The following KLRC2 variants were observed in gnomAD, a reference collection of about 807,000 sequenced individuals.
KLRC2 encodes NKG2-C type II integral membrane protein.
Under a neutral mutation model 25.5 loss-of-function variants are expected in KLRC2, and 10 were observed. The observed-to-expected ratio is 0.39, with a 90% confidence interval of 0.24 to 0.67. KLRC2 has a LOEUF of 0.67. Among genes scored for constraint, KLRC2 ranks in the 30% least tolerant of loss-of-function variants. KLRC2 has a pLI of 0.45. For synonymous variants in KLRC2, 48 were observed against 93.3 expected (o/e 0.51, Z 2.80); for missense variants, 170 against 272.8 (o/e 0.62, Z 2.65).
At chr12:10,431,589 A>G (rs770862802) in intron 5 of KLRC2, among the ~76,000 whole-genome samples, 6 of 141,880 alleles carry the variant, frequency 4.2e-5, no homozygotes, top group Non-Finnish European at 7.7e-5. Flanking sequence ...CAACAGCACT[A>G]TTATTGTGCT....
chr12:10,435,689 T>G lies in KLRC2; in HGVS notation c.187+111A>C, dbSNP rs942892448. On this transcript the variant is annotated intron_variant, in intron 1 of 5. Transcript: ENST00000381902. ...TCATATTAGAATTTTAGATCCCAAT[T>G]ATGAACTCCGATTCTCACAAGTGCA... The G allele has an allele frequency of 1.0e-4, 130 of 1,241,180 alleles. 12 individuals carry two copies. Among genetic ancestry groups the G allele is most frequent in the Non-Finnish European group, 1.4e-4 (130 of 901,840 alleles). The allele number at this position is 1,241,180 out of a possible 1,614,324, so 76.9% of individuals were successfully genotyped here.
chr12:10,431,120 A>G lies in KLRC2; in HGVS notation c.693T>C (p.Leu231=). The G allele has an allele frequency of 6.6e-7, 1 of 1,516,388 alleles. No individual in the cohort carries two copies. Among genetic ancestry groups the G allele is most frequent in the Non-Finnish European group, 9.0e-7 (1 of 1,107,176 alleles). 93.9% of individuals were successfully genotyped at this position (1,516,388 alleles called of 1,614,324 possible). ...TGCAAACGCAAATGCTTTACTTCTA[A>G]AGCTTATGCTTACAATGATATATCA... is the stretch of plus-strand genomic sequence containing the variant. The part of the protein sequence containing the change: ...SSMIYHCKHK[L] The change falls in exon 6 of 6, where the codon CTT becomes CTC. Residue 231 remains leucine, a synonymous_variant. Transcript: ENST00000381902.
Position 10,430,951 on chromosome 12 carries a change from A to G in KLRC2, c.*166T>C. The G allele has an allele frequency of 1.7e-6, 2 of 1,195,080 alleles. No homozygotes were observed. Among genetic ancestry groups the G allele is most frequent in the South Asian group, 1.8e-5 (1 of 56,876 alleles). 74.0% of individuals were successfully genotyped at this position (1,195,080 alleles called of 1,614,324 possible). ...AAATGAGCCCGACACAAATGCTAGGATGTCTGTACTTTAGTAATTGTGTGC... is the reference window on the plus strand; with the variant it reads ...AAATGAGCCCGACACAAATGCTAGGGTGTCTGTACTTTAGTAATTGTGTGC... On this transcript the variant is annotated 3_prime_UTR_variant, in exon 6 of 6. Transcript: ENST00000381902.
At chr12:10,431,921 G>A (rs1863820898) in intron 5 of KLRC2, among the ~76,000 whole-genome samples, 185 bp downstream of exon 5, 1 of 141,128 alleles carries the variant, frequency 7.1e-6, no homozygotes, top group Non-Finnish European at 1.5e-5. Flanking sequence ...AAGGTTACTA[G>A]CAGACCAATG....
intron 3 of KLRC2, chr12:10,434,183 A>C (rs1271425545): frequency 2.9e-6 from 2 of 696,424 alleles, no homozygotes; most frequent in Non-Finnish European, 4.8e-6. Context: ...TACACTCTAC[A>C]CATGTGTTGA....
At chr12:10,431,678 C>G (rs1275231842) in intron 5 of KLRC2, among the ~76,000 whole-genome samples, 1 of 142,140 alleles carries the variant, frequency 7.0e-6, no homozygotes, top group Non-Finnish European at 1.5e-5. Flanking sequence ...TAGTCCAGCT[C>G]GAGGTTGTCC....
chr12:10,433,971 C>A (rs1310524329), intron 3 of KLRC2, 29 bp from the exon 4 acceptor site: 1 of 1,526,744 alleles, frequency 6.5e-7, no homozygotes, highest in African/African-American at 1.5e-5. Flanking sequence ...ACTATCTAGA[C>A]CAATATGAAT....
At chr12:10,432,950 C>T (rs1168115993) in intron 4 of KLRC2, among the ~76,000 whole-genome samples, 1 of 138,936 alleles carries the variant, frequency 7.2e-6, no homozygotes, top group Non-Finnish European at 1.6e-5. Flanking sequence ...AAGGAGAGTC[C>T]CCTCCACAAT....
Position 10,435,825 on chromosome 12 carries a change from C to A in KLRC2, c.162G>T (p.Gly54=), listed in dbSNP as rs138243943. The change falls in exon 1 of 6, where the codon GGG becomes GGT. Residue 54 remains glycine (G), a synonymous_variant. Coordinates refer to ENST00000381902, the MANE Select transcript of KLRC2 (RefSeq NM_002260.4). ...NLQNPSLNHQ[G]IDKIYDCQGL... The stretch of plus-strand genomic sequence containing the variant: ...CTTGGCAGTCATATATTTTATCAAT[C>A]CCTTGATGATTCAGGGAAGGATTTT... The A allele has an allele frequency of 7.1e-6, 11 of 1,548,994 alleles. 1 individual carries two copies. In the African/African-American group the frequency reaches 7.3e-5, roughly 10 times the overall value.
chr12:10,434,239 A>G (rs1370070929), intron 3 of KLRC2: 1 of 589,740 alleles, frequency 1.7e-6, no homozygotes, highest in Non-Finnish European at 3.1e-6. Context: ...AAAATTATTT[A>G]TTTGGTATCA....
Position 10,434,142 on chromosome 12 carries a change from T to C in KLRC2, c.332-200A>G, listed in dbSNP as rs1000733034. ...GGTTAGCCTCTCCTCCCTAATTGTG[T>C]TCCCATATAAAGCAAATGAACAAAC... On this transcript the variant is annotated intron_variant, in intron 3 of 5. Transcript: ENST00000381902. The C allele has an allele frequency of 5.4e-6, 5 of 924,446 alleles. 1 individual carries two copies. Among genetic ancestry groups the C allele is most frequent in the Non-Finnish European group, 8.0e-6 (5 of 623,114 alleles). 57.3% of individuals were successfully genotyped at this position (924,446 alleles called of 1,614,324 possible). A position where few individuals can be genotyped will look rare whatever the true frequency, so the allele number is the denominator to read the frequency against.
chr12:10,432,101 CT>C lies in KLRC2; in HGVS notation c.584+4del. 1 of 1,523,150 alleles carries C rather than the reference CT, an allele frequency of 6.6e-7. No individual in the cohort carries two copies. The highest frequency in any genetic ancestry group is 8.9e-7 in the Non-Finnish European group (1 of 1,117,596). The allele number at this position is 1,523,150 out of a possible 1,614,324, so 94.4% of individuals were successfully genotyped here. ...TTTTATATAGCGCCATACAAAAGAA[CT>C]TACTTATGTTTGAAAGCCAAACCAT... On this transcript the variant is annotated splice_donor_region_variant and intron_variant, in intron 5 of 5. Coordinates refer to ENST00000381902, the MANE Select transcript of KLRC2 (RefSeq NM_002260.4).
Position 10,435,814 on chromosome 12 carries a change from A to G in KLRC2, c.173T>C (p.Ile58Thr), listed in dbSNP as rs1315391486. Residue 58 changes from isoleucine (I) to threonine (T), a missense_variant, in exon 1 of 6, where the codon ATA becomes ACA. Around this residue, in one of 3 missense-constraint regions of KLRC2, gnomAD observed 37 missense variants for 68.0 expected, o/e 0.54. Transcript: ENST00000381902. ...TAATGTTTTACCTTGGCAGTCATAT[A>G]TTTTATCAATCCCTTGATGATTCAG... ...PSLNHQGIDK[I>T]YDCQGLLPPP... The G allele has an allele frequency of 6.5e-7, 1 of 1,548,486 alleles. No individual in the cohort carries two copies. Among genetic ancestry groups the G allele is most frequent in the East Asian group, 2.4e-5 (1 of 42,184 alleles).
rs760284668 is a variant in KLRC2, at chr12:10,433,817, G to T, written c.457C>A (p.Leu153Ile). The T allele has an allele frequency of 6.5e-7, 1 of 1,549,484 alleles. No individual in the cohort carries two copies. The highest frequency in any genetic ancestry group is 1.7e-5 in the Admixed American group (1 of 58,502). Reference protein sequence around the residue: ...LACTSKNSSLLSIDNEEEMKF... With the variant: ...LACTSKNSSLISIDNEEEMKF... ...ATTTCTTCTTCATTATCTATAGAAAGCAGACTGGAGTTCTTCGAAGTACAG... is the reference window on the plus strand; with the variant it reads ...ATTTCTTCTTCATTATCTATAGAAATCAGACTGGAGTTCTTCGAAGTACAG... The change falls in exon 4 of 6, where the codon CTT (leucine) becomes ATT (isoleucine). Residue 153 changes from leucine (L) to isoleucine (I), a missense_variant. Leu to Ile is a conservative substitution (Grantham distance 5, BLOSUM62 2). Coordinates refer to ENST00000381902, the MANE Select transcript of KLRC2 (RefSeq NM_002260.4).
rs1336662680 is a variant in KLRC2, at chr12:10,435,318, T to A, written c.280A>T (p.Ile94Phe). The change falls in exon 2 of 6, where the codon ATT (isoleucine) becomes TTT (phenylalanine). Residue 94 changes from isoleucine (I) to phenylalanine (F), a missense_variant. By Grantham distance (21) the Ile-to-Phe change is conservative (BLOSUM62 0). Coordinates refer to ENST00000381902, the MANE Select transcript of KLRC2 (RefSeq NM_002260.4). Reference protein sequence around the residue: ...MATVLKTIVLIPFLEQNNFSP... With the variant: ...MATVLKTIVLFPFLEQNNFSP... Reference sequence around the variant, plus strand: ...CTTTCAAGAATATGCTTACAAGGAATAAGAACTATTGTTTTTAACACAGTG... The same window carrying A: ...CTTTCAAGAATATGCTTACAAGGAAAAAGAACTATTGTTTTTAACACAGTG... 6.2e-7 allele frequency: 1 copy of A among 1,611,974 alleles called. No homozygotes were observed. The highest frequency in any genetic ancestry group is 8.5e-7 in the Non-Finnish European group (1 of 1,179,232).
chr12:10,432,449 G>T (rs1863826022), intron 4 of KLRC2, among the ~76,000 whole-genome samples: 2 of 95,074 alleles, frequency 2.1e-5, no homozygotes, highest in Non-Finnish European at 4.9e-5. Context: ...ACGCAGGAAG[G>T]GTTTTAATAA....
chr12:10,433,715 A>T (rs1591606654), intron 4 of KLRC2, 76 bp downstream of exon 4: 1 of 1,375,228 alleles, frequency 7.3e-7, no homozygotes, highest in South Asian at 1.2e-5. Flanking sequence ...ATGTACACAC[A>T]TATGGATGTT....
chr12:10,434,685 G>A (rs1863851699), intron 2 of KLRC2, among the ~76,000 whole-genome samples, 155 bp from the exon 3 acceptor site: 2 of 147,574 alleles, frequency 1.4e-5, no homozygotes, highest in South Asian at 4.2e-4. Context: ...TAAAGTAATA[G>A]ACCTTTGAAA....
At chr12:10,435,020 A>C (rs1262466792) in intron 2 of KLRC2, 1 of 1,082,798 alleles carries the variant, frequency 9.2e-7, no homozygotes, top group African/African-American at 1.8e-5. Flanking sequence ...TATTTGGGGA[A>C]GAATTGTTCT....
Sources: allele counts gnomAD v4.1 joint callset (sites outside exome capture counted in the v4.1 genomes callset), GRCh38; gene constraint gnomAD v4.1.1; regional missense constraint gnomAD v4.1.1; transcripts MANE v1.5; gene names NCBI Gene and HGNC (gene_info 2026-07-23, HGNC 2026-07-21).